The following UCHL5 variants were observed in gnomAD, a reference collection of about 807,000 sequenced individuals.
The protein encoded by UCHL5 is ubiquitin carboxyl-terminal hydrolase isozyme L5.
In UCHL5, 34 loss-of-function variants were observed where a neutral mutation model predicts 53.8. That is an observed-to-expected ratio of 0.63 (90% CI 0.48 to 0.84). The LOEUF (loss-of-function observed/expected upper bound fraction) is 0.84, where lower values mean the gene tolerates loss of function less well. Ranked by LOEUF, UCHL5 falls within the 40% of genes least tolerant of loss-of-function variation. The pLI is 0.00. For synonymous variants in UCHL5, 111 were observed against 126.3 expected (o/e 0.88, Z 0.81); for missense variants, 290 against 385.6 (o/e 0.75, Z 2.08).
rs566893566 is a variant in UCHL5 at position 193,025,933 on chromosome 1, G to A, written c.630-1987C>T. On this transcript the variant is annotated intron_variant, in intron 7 of 10. Transcript: ENST00000367454. ...CAGTAATCAACACAATGTAGTACTG[G>A]CAGAGGAACAGATAAATGGAACAAT... Among the ~76,000 whole-genome samples, 9 of 152,128 alleles carry A rather than the reference G, an allele frequency of 5.9e-5. No individual in the cohort carries two copies. In the South Asian group the frequency reaches 1.9e-3, roughly 32 times the overall value.
At chr1:193,017,107 G>C (rs1363375137) in intron 10 of UCHL5, among the ~76,000 whole-genome samples, 1 of 151,722 alleles carries the variant, frequency 6.6e-6, no homozygotes, top group Non-Finnish European at 1.5e-5. Context: ...ATGACTTAGA[G>C]ACCCTGTTAA....
intron 7 of UCHL5, among the ~76,000 whole-genome samples, chr1:193,025,668 T>C (rs977914218): frequency 3.3e-5 from 5 of 152,142 alleles, no homozygotes; most frequent in Admixed American, 6.6e-5. Flanking sequence ...GGACTTCTAC[T>C]CCCACCTGGT....
chr1:193,018,981 C>T (rs769336975), intron 10 of UCHL5, among the ~76,000 whole-genome samples: 9 of 151,382 alleles, frequency 5.9e-5, no homozygotes, highest in African/African-American at 1.7e-4. Context: ...TTTTTCAACA[C>T]GCTTTATTTT....
chr1:193,031,832 C>CA (rs1004802576), intron 3 of UCHL5, among the ~76,000 whole-genome samples: 4 of 152,218 alleles, frequency 2.6e-5, no homozygotes, highest in East Asian at 3.9e-4. Context: ...ACTCACGTCA[C>CA]AAAAAATCTA....
At chr1:193,058,291 T>C (rs1671423378) in intron 1 of UCHL5, among the ~76,000 whole-genome samples, 1 of 152,154 alleles carries the variant, frequency 6.6e-6, no homozygotes, top group Admixed American at 6.5e-5. Flanking sequence ...ATGAACAACA[T>C]ATGCTTGATA....
At chr1:193,022,823 G>A in intron 9 of UCHL5, 103 bp downstream of exon 9, 1 of 723,392 alleles carries the variant, frequency 1.4e-6, no homozygotes, top group Non-Finnish European at 2.3e-6. Flanking sequence ...TTGAAATCTG[G>A]TAAATGATAG....
At chr1:193,022,785 T>C (rs2102334834) in intron 9 of UCHL5, 141 bp downstream of exon 9, 2 of 292,320 alleles carry the variant, frequency 6.8e-6, no homozygotes, top group Non-Finnish European at 1.1e-5. Context: ...TACTTATCTT[T>C]GTAGTGATAA....
rs1654726254 is a variant in UCHL5, at chr1:193,015,276, T to G, written c.*1075A>C. 6.6e-6 allele frequency: 1 copy of G among 151,966 alleles called. No homozygotes were observed. Among genetic ancestry groups the G allele is most frequent in the African/African-American group, 2.4e-5 (1 of 41,414 alleles). 9.4% of individuals were successfully genotyped at this position (151,966 alleles called of 1,614,324 possible). A position where few individuals can be genotyped will look rare whatever the true frequency, so the allele number is the denominator to read the frequency against. On this transcript the variant is annotated 3_prime_UTR_variant, in exon 11 of 11. Coordinates refer to ENST00000367454, the MANE Select transcript of UCHL5 (RefSeq NM_001199261.3). ...GCTAAATTGATTTTACAATAAATAATAAAATGTTAAAGTCATGTATCAACC... is the reference window on the plus strand; with the variant it reads ...GCTAAATTGATTTTACAATAAATAAGAAAATGTTAAAGTCATGTATCAACC...
chr1:193,059,655 G>GGCTGTT (rs773835261), upstream of UCHL5: 19 of 1,382,878 alleles, frequency 1.4e-5, no homozygotes, highest in Non-Finnish European at 1.7e-5. The surrounding 1 kb of genome is among the most constrained non-coding windows in gnomAD (Gnocchi z 4.9). Context: ...GCGGCAGTGG[G>GGCTGTT]GCTGTTGCTG....
At chr1:193,021,261 T>C in intron 9 of UCHL5, 66 bp from the exon 10 acceptor site, 1 of 1,086,922 alleles carries the variant, frequency 9.2e-7, no homozygotes, top group Non-Finnish European at 1.4e-6. Context: ...ATTCTTTGCA[T>C]CCAACTCAAA....
At chr1:193,038,683 G>A (rs995436852) in intron 3 of UCHL5, among the ~76,000 whole-genome samples, 2 of 152,038 alleles carry the variant, frequency 1.3e-5, no homozygotes, top group African/African-American at 4.8e-5. Context: ...TCTTGGAACT[G>A]ATAAACGAGT....
chr1:193,018,940 T>C lies in UCHL5; in HGVS notation c.942+2157A>G, dbSNP rs918156335. The C allele has an allele frequency of 5.1e-5, 34 of 663,098 alleles. No homozygotes were observed. The Admixed American group carries it at 1.3e-3, about 26-fold the overall frequency. The allele number at this position is 663,098 out of a possible 1,614,324, so 41.1% of individuals were successfully genotyped here. ...AACTATCACTGGTAAAGATTTTATATAATTATAAAATCTAATCTTTATTCT... is the reference window on the plus strand; with the variant it reads ...AACTATCACTGGTAAAGATTTTATACAATTATAAAATCTAATCTTTATTCT... On this transcript the variant is annotated intron_variant, in intron 10 of 10. Coordinates refer to ENST00000367454, the MANE Select transcript of UCHL5 (RefSeq NM_001199261.3).
chr1:193,039,082 A>G (rs1373211007), intron 3 of UCHL5, among the ~76,000 whole-genome samples: 1 of 152,166 alleles, frequency 6.6e-6, no homozygotes, highest in African/African-American at 2.4e-5. Context: ...ATTAAGAAAA[A>G]AATCCTATTT....
chr1:193,025,172 C>T (rs1432615746), intron 7 of UCHL5, among the ~76,000 whole-genome samples: 1 of 152,200 alleles, frequency 6.6e-6, no homozygotes, highest in African/African-American at 2.4e-5. Flanking sequence ...AAAGTCTGCT[C>T]TCTCTAGCCA....
intron 10 of UCHL5, chr1:193,020,273 T>C (rs1299916849): frequency 6.5e-7 from 1 of 1,528,396 alleles, no homozygotes; most frequent in Non-Finnish European, 8.8e-7. Context: ...CTTTGCTTTG[T>C]AAACTTTAAA....
At chr1:193,032,985 T>C (rs954252792) in intron 3 of UCHL5, among the ~76,000 whole-genome samples, 4 of 152,218 alleles carry the variant, frequency 2.6e-5, no homozygotes, top group Non-Finnish European at 5.9e-5. Context: ...CTCAAGGATC[T>C]AGAACCAGAA....
chr1:193,024,246 A>T (rs1658294942), intron 7 of UCHL5, among the ~76,000 whole-genome samples: 1 of 151,782 alleles, frequency 6.6e-6, no homozygotes. Flanking sequence ...TGTCTCTTAA[A>T]AAAAAAAACA....
Position 193,051,923 on chromosome 1 carries a change from T to A in UCHL5, c.77-106A>T, listed in dbSNP as rs996057106. ...AAATGCAACACATGACAAAACAAAA[T>A]GGTAAAACTAATAAAGCTCACAGCC... On this transcript the variant is annotated intron_variant, in intron 1 of 10. Transcript: ENST00000367454. The A allele has an allele frequency of 9.1e-6, 7 of 772,814 alleles. No homozygotes were observed. The African/African-American group carries it at 1.2e-4, about 14-fold the overall frequency. 47.9% of individuals were successfully genotyped at this position (772,814 alleles called of 1,614,324 possible). A position where few individuals can be genotyped will look rare whatever the true frequency, so the allele number is the denominator to read the frequency against.
chr1:193,052,862 A>G (rs1328649167), intron 1 of UCHL5, among the ~76,000 whole-genome samples: 1 of 152,144 alleles, frequency 6.6e-6, no homozygotes, highest in Non-Finnish European at 1.5e-5. Flanking sequence ...CCTAATTAAA[A>G]CCCACATCAG....
Sources: allele counts gnomAD v4.1 joint callset (sites outside exome capture counted in the v4.1 genomes callset), GRCh38; gene constraint gnomAD v4.1.1; non-coding constraint Gnocchi (gnomAD v3.1); transcripts MANE v1.5; gene names NCBI Gene and HGNC (gene_info 2026-07-23, HGNC 2026-07-21).